The following DENND4C variants were observed in gnomAD, a reference collection of about 807,000 sequenced individuals.
The protein encoded by DENND4C is DENN domain-containing protein 4C.
A neutral mutation model predicts 203.0 loss-of-function variants in DENND4C; 108 were observed. The ratio of observed to expected loss-of-function variants is 0.53; its 90% CI spans 0.46 to 0.62. The LOEUF is 0.62. DENND4C is among the 20% of genes least tolerant of loss of function. DENND4C has a pLI of 0.00. For synonymous variants in DENND4C, 871 were observed against 792.4 expected (o/e 1.10, Z -1.67); for missense variants, 2,481 against 2,301.2 (o/e 1.08, Z -1.60).
intron 23 of DENND4C, among the ~76,000 whole-genome samples, 176 bp downstream of exon 23, chr9:19,347,262 T>C (rs2666802): frequency 0.24 from 36,159 of 152,142 alleles, 6,406 homozygotes; most frequent in African/African-American, 0.49. Flanking sequence ...GCCTGAGTAG[T>C]TGGGTCTATA....
chr9:19,273,458 C>G lies in DENND4C; in HGVS notation c.-17-2700C>G, dbSNP rs117800339. 7.8e-3 allele frequency among the ~76,000 whole-genome samples: 1,183 copies of G among 152,092 alleles called. 11 individuals are homozygous for G. The highest frequency in any genetic ancestry group is 0.013 in the Non-Finnish European group (904 of 68,012). Reference sequence around the variant, plus strand: ...TTAATAAATTGGAGTTCATCAAAAACCTCTGTTTTTCATAAGACCCTGTAA... The same window carrying G: ...TTAATAAATTGGAGTTCATCAAAAAGCTCTGTTTTTCATAAGACCCTGTAA... On this transcript the variant is annotated intron_variant, in intron 1 of 32. Coordinates refer to ENST00000434457, the MANE Select transcript of DENND4C (RefSeq NM_001330640.2).
intron 20 of DENND4C, among the ~76,000 whole-genome samples, chr9:19,339,428 G>C (rs189034309): frequency 3.4e-4 from 52 of 152,046 alleles, no homozygotes; most frequent in Middle Eastern, 3.4e-3. Context: ...TAATTATTTT[G>C]TGGAATGTTT....
chr9:19,357,779 T>A, intron 27 of DENND4C, 186 bp from the exon 28 acceptor site: 1 of 510,126 alleles, frequency 2.0e-6, no homozygotes, highest in Non-Finnish European at 3.5e-6. Flanking sequence ...AACCATCTAC[T>A]CCATCCTGTT....
chr9:19,325,457 A>G (rs932745492), intron 13 of DENND4C, among the ~76,000 whole-genome samples: 3 of 152,210 alleles, frequency 2.0e-5, no homozygotes, highest in African/African-American at 7.2e-5. Flanking sequence ...ATATTATGAC[A>G]TTAATTTTTA....
intron 1 of DENND4C, among the ~76,000 whole-genome samples, chr9:19,232,431 A>G (rs951644876): frequency 6.4e-5 from 9 of 139,760 alleles, no homozygotes; most frequent in African/African-American, 1.6e-4. Context: ...ACTTTGGCCA[A>G]TAGTACCTCG....
chr9:19,371,913 T>G (rs1828908335), intron 32 of DENND4C, 93 bp downstream of exon 32: 2 of 1,327,480 alleles, frequency 1.5e-6, no homozygotes, highest in African/African-American at 3.0e-5. Context: ...ATAAAAGATT[T>G]AAAAGATTTC....
chr9:19,315,112 A>G (rs1434547630), intron 10 of DENND4C, among the ~76,000 whole-genome samples: 5 of 147,240 alleles, frequency 3.4e-5, no homozygotes, highest in African/African-American at 1.3e-4. Flanking sequence ...GTGAGCTGAG[A>G]TCGTACCACT....
chr9:19,268,386 C>T (rs547037613), intron 1 of DENND4C, among the ~76,000 whole-genome samples: 1 of 152,292 alleles, frequency 6.6e-6, no homozygotes, highest in Admixed American at 6.5e-5. Flanking sequence ...AGGCGTGAGC[C>T]ACCGCACCTG....
At chr9:19,232,300 C>G (rs535405466) in intron 1 of DENND4C, among the ~76,000 whole-genome samples, 1 of 152,100 alleles carries the variant, frequency 6.6e-6, no homozygotes, top group South Asian at 2.1e-4. Context: ...TTTTCTGCCA[C>G]TCAATCCACA....
intron 8 of DENND4C, 42 bp from the exon 9 acceptor site, chr9:19,300,145 A>G: frequency 1.9e-6 from 3 of 1,549,464 alleles, no homozygotes; most frequent in Non-Finnish European, 2.6e-6. Flanking sequence ...TATTTCAGCA[A>G]AATAGTTCAC....
At chr9:19,275,379 G>A (rs934640851) in intron 1 of DENND4C, among the ~76,000 whole-genome samples, 1 of 147,016 alleles carries the variant, frequency 6.8e-6, no homozygotes, top group Non-Finnish European at 1.5e-5. Context: ...TGAAACCTCC[G>A]CCTTCCGGGG....
At chr9:19,231,911 A>G (rs2131301302) in intron 1 of DENND4C, among the ~76,000 whole-genome samples, 1 of 152,182 alleles carries the variant, frequency 6.6e-6, no homozygotes, top group Admixed American at 6.5e-5. Flanking sequence ...GTGTATAATG[A>G]GAGGGGAGAA....
At chr9:19,322,940 A>G (rs1319423305) in intron 12 of DENND4C, among the ~76,000 whole-genome samples, 1 of 152,152 alleles carries the variant, frequency 6.6e-6, no homozygotes, top group Non-Finnish European at 1.5e-5. Flanking sequence ...GCTGGCAAGG[A>G]AAGTCAAGGG....
At chr9:19,342,553 C>G (rs1381483187) in intron 21 of DENND4C, 80 bp from the exon 22 acceptor site, 101 of 1,386,772 alleles carry the variant, frequency 7.3e-5, no homozygotes, top group Non-Finnish European at 9.7e-5. Flanking sequence ...AAAATACATA[C>G]AATATCTAAA....
chr9:19,303,879 T>C (rs939663493), intron 9 of DENND4C, among the ~76,000 whole-genome samples: 14 of 152,106 alleles, frequency 9.2e-5, no homozygotes, highest in Admixed American at 1.3e-4. Context: ...TTTATTCATT[T>C]ATTTAATTTT....
intron 12 of DENND4C, among the ~76,000 whole-genome samples, chr9:19,322,481 G>T (rs952608420): frequency 5.3e-5 from 8 of 151,728 alleles, no homozygotes; most frequent in Admixed American, 2.6e-4. Flanking sequence ...GCCAGTGGAG[G>T]CCAGGCGCGG....
chr9:19,314,120 G>C (rs1044000322), intron 10 of DENND4C, among the ~76,000 whole-genome samples: 2 of 151,744 alleles, frequency 1.3e-5, no homozygotes, highest in East Asian at 3.9e-4. Flanking sequence ...ATGGACTTTG[G>C]GGACTTGGGG....
intron 5 of DENND4C, chr9:19,292,242 C>G (rs1243976079): frequency 6.6e-6 from 1 of 151,566 alleles, no homozygotes; most frequent in African/African-American, 2.4e-5. Context: ...GTTGGTCAGG[C>G]TGGTCTCAAA....
intron 1 of DENND4C, among the ~76,000 whole-genome samples, chr9:19,245,801 A>T (rs1377464434): frequency 6.6e-6 from 1 of 150,996 alleles, no homozygotes; most frequent in Non-Finnish European, 1.5e-5. Flanking sequence ...GGTTGCGGTG[A>T]GCAGAGATCA....
Sources: gnomAD v4.1 joint callset for allele counts (sites outside exome capture counted in the v4.1 genomes callset) on GRCh38, gnomAD v4.1.1 for gene constraint, MANE v1.5 for transcripts, NCBI Gene and HGNC (gene_info 2026-07-23, HGNC 2026-07-21) for gene names.